Variants in BUB1 observed in about 807,000 individuals in gnomAD.
BUB1 encodes the protein mitotic checkpoint serine/threonine-protein kinase BUB1.
In BUB1, 84 loss-of-function variants were observed where a neutral mutation model predicts 135.2. The observed-to-expected ratio is 0.62, with a 90% confidence interval of 0.52 to 0.74. The LOEUF is 0.74. Ranked by LOEUF, BUB1 falls within the 30% of genes least tolerant of loss-of-function variation. BUB1 has a pLI of 0.00. For missense variants in BUB1, 1,162 were observed against 1,288.3 expected (o/e 0.90, Z 1.50); for synonymous variants, 403 against 434.4 (o/e 0.93, Z 0.90).
At chr2:110,638,226 T>C (rs1689414441) in intron 24 of BUB1, 67 bp from the exon 25 acceptor site, 3 of 1,294,932 alleles carry the variant, frequency 2.3e-6, no homozygotes, top group African/African-American at 3.0e-5. Context: ...ACCCCACCCC[T>C]GCATCTGACT....
At chr2:110,644,788 A>T (rs972846887) in intron 19 of BUB1, among the ~76,000 whole-genome samples, 5 of 152,216 alleles carry the variant, frequency 3.3e-5, no homozygotes. Flanking sequence ...GGAATCCACC[A>T]ATCTAGAATT....
At chr2:110,662,604 A>C (rs1047671620) in intron 9 of BUB1, among the ~76,000 whole-genome samples, 7 of 152,230 alleles carry the variant, frequency 4.6e-5, no homozygotes, top group Non-Finnish European at 1.0e-4. Flanking sequence ...GTTTGAGACC[A>C]GGCTAGGCAA....
Position 110,661,905 on chromosome 2 carries a change from G to C in BUB1, c.958-64C>G. ...TGAAGTCCAGAATACTACTAATCAGGCATTACATCTTCTCAAAGCATGGCA... is the reference window on the plus strand; with the variant it reads ...TGAAGTCCAGAATACTACTAATCAGCCATTACATCTTCTCAAAGCATGGCA... On this transcript the variant is annotated intron_variant, in intron 9 of 24. Transcript: ENST00000302759. 5 of 1,549,956 alleles carry C rather than the reference G, an allele frequency of 3.2e-6. No homozygotes were observed. In the South Asian group the frequency reaches 6.0e-5, roughly 19 times the overall value.
chr2:110,674,773 G>C (rs1427796541), intron 1 of BUB1, among the ~76,000 whole-genome samples: 1 of 152,106 alleles, frequency 6.6e-6, no homozygotes, highest in Non-Finnish European at 1.5e-5. Context: ...CAGGATCCAG[G>C]CATGGCACTG....
At position 110,652,087 on chromosome 2, in the gene BUB1, C is replaced by CAG. The variant is rs564456245; in HGVS notation, c.1965-1305_1965-1304dup. ...ACACACACACACACACACACACACACAGTATACAGTTGATCCTTATTATTA... is the reference window on the plus strand; with the variant it reads ...ACACACACACACACACACACACACACAGAGTATACAGTTGATCCTTATTATTA... On this transcript the variant is annotated intron_variant, in intron 17 of 24. Transcript: ENST00000302759. Among the ~76,000 whole-genome samples, 20 of 152,020 alleles carry CAG rather than the reference C, an allele frequency of 1.3e-4. No homozygotes were observed. In the South Asian group the frequency reaches 4.2e-3, roughly 32 times the overall value.
At position 110,638,013 on chromosome 2, in the gene BUB1, C is replaced by A. The variant is rs765636832; in HGVS notation, c.3209G>T (p.Arg1070Leu). The A allele has an allele frequency of 1.9e-6, 3 of 1,594,002 alleles. No homozygotes were observed. The African/African-American group carries it at 4.0e-5, about 22-fold the overall frequency. The change falls in exon 25 of 25, where the codon CGT becomes CTT. Residue 1070 changes from arginine (R) to leucine (L), a missense_variant. Arg to Leu is a moderately radical substitution (Grantham distance 102). Transcript: ENST00000302759. Reference protein sequence around the residue: ...QHYTNKIRALRNRLIVLLLEC... With the variant: ...QHYTNKIRALLNRLIVLLLEC... Reference sequence around the variant, plus strand: ...TAAGAGCAGTACAATTAGCCTATTACGTAGGGCCCTAATCTTGTTAGTATA... The same window carrying A: ...TAAGAGCAGTACAATTAGCCTATTAAGTAGGGCCCTAATCTTGTTAGTATA...
intron 16 of BUB1, 55 bp from the exon 17 acceptor site, chr2:110,653,578 C>A: frequency 4.3e-6 from 6 of 1,399,798 alleles, no homozygotes; most frequent in Non-Finnish European, 6.1e-6. Flanking sequence ...GTGTGCACAA[C>A]ACACACCATT....
intron 16 of BUB1, 94 bp from the exon 17 acceptor site, chr2:110,653,617 T>C (rs1264492659): frequency 5.0e-6 from 5 of 999,596 alleles, no homozygotes; most frequent in Non-Finnish European, 3.1e-6. Context: ...TAGGATTTCT[T>C]TTGACACTGA....
intron 9 of BUB1, among the ~76,000 whole-genome samples, chr2:110,665,030 C>A (rs1366447012): frequency 6.6e-6 from 1 of 152,184 alleles, no homozygotes; most frequent in Admixed American, 6.5e-5. Flanking sequence ...TAGGTACATA[C>A]ACTTGAAAGG....
At chr2:110,667,471 GA>G (rs779479322) in intron 8 of BUB1, 49 bp downstream of exon 8, 5 of 1,526,276 alleles carry the variant, frequency 3.3e-6, no homozygotes, top group Non-Finnish European at 3.5e-6. Flanking sequence ...CAGAGATGAG[GA>G]TTTTTTTATG....
At position 110,653,311 on chromosome 2, in the gene BUB1, T is replaced by C. The variant is rs1042086262; in HGVS notation, c.1964+125A>G. ...AAGCTACTAGTCCATAAAATCTTTA[T>C]TGGCCTTTAAGGCTAAAATTAGGTA... On this transcript the variant is annotated intron_variant, in intron 17 of 24. Transcript: ENST00000302759. 3.3e-5 allele frequency: 29 copies of C among 886,410 alleles called. No homozygotes were observed. In the East Asian group the frequency reaches 6.0e-4, roughly 18 times the overall value. 54.9% of individuals were successfully genotyped at this position (886,410 alleles called of 1,614,324 possible). A position where few individuals can be genotyped will look rare whatever the true frequency, so the allele number is the denominator to read the frequency against.
At chr2:110,647,484 T>C (rs1362995709) in intron 19 of BUB1, among the ~76,000 whole-genome samples, 1 of 151,962 alleles carries the variant, frequency 6.6e-6, no homozygotes, top group Non-Finnish European at 1.5e-5. Flanking sequence ...CAAAGAATCA[T>C]ATAATCATAT....
At chr2:110,645,479 C>A (rs186997709) in intron 19 of BUB1, among the ~76,000 whole-genome samples, 30 of 151,288 alleles carry the variant, frequency 2.0e-4, no homozygotes, top group Non-Finnish European at 3.2e-4. Context: ...AAAAGACATA[C>A]CATGCTAACA....
chr2:110,677,970 T>C lies in BUB1; in HGVS notation c.26A>G (p.Gln9Arg). Residue 9 changes from glutamine (Q) to arginine (R), a missense_variant and splice_region_variant, in exon 1 of 25, where the codon CAG becomes CGG. Physicochemically the swap from Gln to Arg is conservative, Grantham distance 43. Coordinates refer to ENST00000302759, the MANE Select transcript of BUB1 (RefSeq NM_004336.5). ...CCCACCCCACCAGACGGACACTTAC[T>C]GAAGGACATTTTCCGGGGTGTCCAT... MDTPENVL[Q>R]MLEAHMQSYK... 2 of 1,609,294 alleles carry C rather than the reference T, an allele frequency of 1.2e-6. No individual in the cohort carries two copies. Among genetic ancestry groups the C allele is most frequent in the South Asian group, 2.2e-5 (2 of 90,172 alleles).
In BUB1 at chr2:110,654,037, A is replaced by C. The variant is rs199572744; in HGVS notation, c.1877-514T>G. On this transcript the variant is annotated intron_variant, in intron 16 of 24. Transcript: ENST00000302759. ...ACTACTAATATATGTGAGCATTTCAACTCTACATCTAATTCCTATAATCCT... is the reference window on the plus strand; with the variant it reads ...ACTACTAATATATGTGAGCATTTCACCTCTACATCTAATTCCTATAATCCT... Among the ~76,000 whole-genome samples, 16 of 152,206 alleles carry C rather than the reference A, an allele frequency of 1.1e-4. 1 individual carries two copies. The East Asian group carries it at 2.9e-3, about 28-fold the overall frequency.
chr2:110,664,070 A>G (rs1690177169), intron 9 of BUB1, among the ~76,000 whole-genome samples: 1 of 151,896 alleles, frequency 6.6e-6, no homozygotes, highest in Non-Finnish European at 1.5e-5. Flanking sequence ...GGCCATAAAA[A>G]TTAAGGCAAT....
chr2:110,664,722 T>C (rs1659227796), intron 9 of BUB1, among the ~76,000 whole-genome samples: 1 of 150,908 alleles, frequency 6.6e-6, no homozygotes. Context: ...CTTGCAACTA[T>C]CCAGGGAAAA....
At chr2:110,655,171 G>A (rs749584745) in intron 16 of BUB1, among the ~76,000 whole-genome samples, 7 of 152,210 alleles carry the variant, frequency 4.6e-5, no homozygotes, top group Middle Eastern at 3.4e-3. Context: ...GATTTGAAAC[G>A]GTAGAAATAA....
intron 4 of BUB1, among the ~76,000 whole-genome samples, chr2:110,671,505 G>A (rs1179510884): frequency 6.6e-6 from 1 of 152,154 alleles, no homozygotes; most frequent in African/African-American, 2.4e-5. Flanking sequence ...CTGAAAAGAT[G>A]AGTATATTAA....
Sources: gnomAD v4.1 joint callset for allele counts (sites outside exome capture counted in the v4.1 genomes callset) on GRCh38, gnomAD v4.1.1 for gene constraint, MANE v1.5 for transcripts, NCBI Gene and HGNC (gene_info 2026-07-23, HGNC 2026-07-21) for gene names.